Variants in SORCS2 observed in about 807,000 individuals in gnomAD.
The protein encoded by SORCS2 is sortilin related VPS10 domain containing receptor 2.
SORCS2 carries 100 observed loss-of-function variants against 141.6 expected under a neutral mutation model. The ratio of observed to expected loss-of-function variants is 0.71; its 90% CI spans 0.60 to 0.83. The LOEUF is 0.83. SORCS2 is among the 40% of genes least tolerant of loss of function. The pLI is 0.00. For missense variants in SORCS2, 1,646 were observed against 1,560.2 expected (o/e 1.05, Z -0.93); for synonymous variants, 789 against 676.9 (o/e 1.17, Z -2.57).
At chr4:7,703,026 T>C (rs1294057222) in intron 12 of SORCS2, among the ~76,000 whole-genome samples, 5 of 152,272 alleles carry the variant, frequency 3.3e-5, no homozygotes, top group Admixed American at 6.5e-5. Flanking sequence ...TGTGCTCATT[T>C]GCAGTTTCCT....
rs944263926 is a variant in SORCS2, at chr4:7,740,390, G to A, written c.*126G>A. 14 of 814,444 alleles carry A rather than the reference G, an allele frequency of 1.7e-5. No homozygotes were observed. The highest frequency in any genetic ancestry group is 6.3e-5 in the Admixed American group (3 of 47,630). The allele number at this position is 814,444 out of a possible 1,614,324, so 50.5% of individuals were successfully genotyped here. ...TCCCTGAGTCGTCGCCACACCAGGC[G>A]ACAGGCACCACCCCCTCTGATAAAT... On this transcript the variant is annotated 3_prime_UTR_variant, in exon 27 of 27. Transcript: ENST00000507866.
At position 7,237,437 on chromosome 4, in the gene SORCS2, G is replaced by A. The variant is rs116041635; in HGVS notation, c.480+44311G>A. On this transcript the variant is annotated intron_variant, in intron 1 of 26. Coordinates refer to ENST00000507866, the MANE Select transcript of SORCS2 (RefSeq NM_020777.3). ...GTGACCCACAGTGGCTCCTCCCAAG[G>A]GGACCCTGTTCACATCCTTCTCAAT... Among the ~76,000 whole-genome samples, 205 of 152,260 alleles carry A rather than the reference G, an allele frequency of 1.3e-3. 1 individual carries two copies. The highest frequency in any genetic ancestry group is 4.8e-3 in the African/African-American group (198 of 41,546).
intron 2 of SORCS2, among the ~76,000 whole-genome samples, chr4:7,421,619 C>T (rs1439508691): frequency 1.3e-5 from 2 of 152,102 alleles, no homozygotes; most frequent in Non-Finnish European, 2.9e-5. Context: ...CCCCCCATAA[C>T]TCCCTTTGTG....
chr4:7,440,861 C>T (rs867960025), intron 2 of SORCS2, among the ~76,000 whole-genome samples: 19 of 152,136 alleles, frequency 1.2e-4, no homozygotes, highest in Admixed American at 2.6e-4. Context: ...CTGGGAGCTG[C>T]GGGGTGAGGG....
chr4:7,444,564 C>T (rs956670018), intron 2 of SORCS2, among the ~76,000 whole-genome samples: 11 of 152,260 alleles, frequency 7.2e-5, no homozygotes, highest in Admixed American at 5.9e-4. Context: ...GTGATGGGGG[C>T]AGGAGCAGAA....
At position 7,740,445 on chromosome 4, in the gene SORCS2, A is replaced by ACGGGACCCCC; in HGVS notation, c.*188_*197dup. On this transcript the variant is annotated 3_prime_UTR_variant, in exon 27 of 27. Transcript: ENST00000507866. ...GCCCGCCCAGGCCCACGGGGGGCCC[A>ACGGGACCCCC]CGGGACCCCCCGGGACTCCCCGGAC... is the stretch of plus-strand genomic sequence containing the variant. 1 of 605,262 alleles carries ACGGGACCCCC rather than the reference A, an allele frequency of 1.7e-6. No individual in the cohort carries two copies. The highest frequency in any genetic ancestry group is 2.8e-5 in the East Asian group (1 of 35,488). 37.5% of individuals were successfully genotyped at this position (605,262 alleles called of 1,614,324 possible).
At chr4:7,651,596 G>A (rs990189894) in intron 4 of SORCS2, among the ~76,000 whole-genome samples, 8 of 152,230 alleles carry the variant, frequency 5.3e-5, no homozygotes, top group African/African-American at 7.2e-5. Context: ...TAGAAACAGC[G>A]AATGAGACAC....
At chr4:7,256,231 G>T (rs555271742) in intron 1 of SORCS2, among the ~76,000 whole-genome samples, 1 of 152,166 alleles carries the variant, frequency 6.6e-6, no homozygotes, top group Non-Finnish European at 1.5e-5. Flanking sequence ...GCACATGCCC[G>T]CTCAGAGGGG....
At position 7,618,414 on chromosome 4, in the gene SORCS2, T is replaced by C. The variant is rs186678281; in HGVS notation, c.649-19914T>C. 3.2e-3 allele frequency among the ~76,000 whole-genome samples: 489 copies of C among 152,260 alleles called. 3 individuals carry two copies. Among genetic ancestry groups the C allele is most frequent in the African/African-American group, 0.011 (468 of 41,554 alleles). On this transcript the variant is annotated intron_variant, in intron 3 of 26. Transcript: ENST00000507866. ...CCTCCACTCTGCACCCGGAGGGGCA[T>C]TCACCAGGGAAATCAGGTTGCATCT...
chr4:7,377,859 G>A (rs565894590), intron 1 of SORCS2, among the ~76,000 whole-genome samples: 74 of 152,292 alleles, frequency 4.9e-4, no homozygotes, highest in Middle Eastern at 3.4e-3. Context: ...CAGCAGAATC[G>A]TTCCCGTCCT....
intron 2 of SORCS2, among the ~76,000 whole-genome samples, chr4:7,438,273 T>C (rs2109250693): frequency 6.6e-6 from 1 of 152,328 alleles, no homozygotes; most frequent in South Asian, 2.1e-4. Flanking sequence ...GGTTATTTTG[T>C]AGAATGTCCC....
At chr4:7,728,279 A>G (rs1577129271) in intron 21 of SORCS2, 71 bp from the exon 22 acceptor site, 2 of 1,146,540 alleles carry the variant, frequency 1.7e-6, no homozygotes, top group Non-Finnish European at 2.5e-6. Context: ...GCTGCCCCCG[A>G]CCCCCACCCT....
intron 22 of SORCS2, among the ~76,000 whole-genome samples, chr4:7,729,120 C>T (rs577546772): frequency 5.6e-4 from 86 of 152,318 alleles, no homozygotes; most frequent in Non-Finnish European, 9.9e-4. Context: ...TGAGCAGTGC[C>T]TATGGGCTGA....
intron 23 of SORCS2, among the ~76,000 whole-genome samples, chr4:7,732,894 G>A (rs1253957033): frequency 6.6e-6 from 1 of 151,996 alleles, no homozygotes; most frequent in African/African-American, 2.4e-5. Context: ...AGGCCAGGTG[G>A]CCTGCCCAGC....
chr4:7,242,027 G>A (rs1314731829), intron 1 of SORCS2, among the ~76,000 whole-genome samples: 5 of 152,162 alleles, frequency 3.3e-5, no homozygotes, highest in Admixed American at 6.5e-5. Flanking sequence ...GACTGGCGAG[G>A]AAGCTACCTA....
chr4:7,525,975 CCCT>C (rs1417997237), intron 2 of SORCS2, among the ~76,000 whole-genome samples: 3 of 147,450 alleles, frequency 2.0e-5, no homozygotes, highest in Admixed American at 6.7e-5. Flanking sequence ...GTCACCTGTC[CCCT>C]CCTCACACCT....
chr4:7,613,518 T>G (rs1309225334), intron 3 of SORCS2, among the ~76,000 whole-genome samples: 1 of 152,140 alleles, frequency 6.6e-6, no homozygotes, highest in Non-Finnish European at 1.5e-5. Context: ...AGGAGCACTC[T>G]GGGCCCCATG....
At chr4:7,317,510 C>T (rs902096686) in intron 1 of SORCS2, among the ~76,000 whole-genome samples, 3 of 152,202 alleles carry the variant, frequency 2.0e-5, no homozygotes, top group African/African-American at 7.2e-5. Context: ...GCTTTTTGCT[C>T]CTGAGCCCAG....
intron 18 of SORCS2, among the ~76,000 whole-genome samples, chr4:7,720,328 G>A (rs1726504475): frequency 6.6e-6 from 1 of 152,096 alleles, no homozygotes; most frequent in Non-Finnish European, 1.5e-5. Context: ...CAATAAAAAT[G>A]AACCTCAACC....
Sources: gnomAD v4.1 joint callset for allele counts (sites outside exome capture counted in the v4.1 genomes callset) on GRCh38, gnomAD v4.1.1 for gene constraint, MANE v1.5 for transcripts, NCBI Gene and HGNC (gene_info 2026-07-23, HGNC 2026-07-21) for gene names.